Variants in DYNAP observed in about 807,000 individuals in gnomAD.
DYNAP encodes the protein dynactin-associated protein.
In DYNAP, 7 loss-of-function variants were observed where a neutral mutation model predicts 8.5. That is an observed-to-expected ratio of 0.82 (90% confidence interval 0.47 to 1.54). The LOEUF (loss-of-function observed/expected upper bound fraction) is 1.54. Ranked by LOEUF, DYNAP falls within the 40% of genes most tolerant of loss-of-function variation. The probability of loss-of-function intolerance (pLI) is 0.01; values close to 1 mark genes in which losing one functional copy is unlikely to be tolerated. For synonymous variants in DYNAP, 77 were observed against 77.9 expected (o/e 0.99, Z 0.06); for missense variants, 256 against 224.3 (o/e 1.14, Z -0.90).
At chr18:54,575,815 A>G in the DYNAP span, among the ~76,000 whole-genome samples, 1 of 152,060 alleles carries the variant, frequency 6.6e-6, no homozygotes, top group Admixed American at 6.6e-5. Context: ...GCACACACAC[A>G]CACGCACACA....
At position 54,598,039 on chromosome 18, in the gene DYNAP, C is replaced by A. The variant is rs1911383100; in HGVS notation, c.449C>A (p.Thr150Asn). The A allele has an allele frequency of 6.2e-7, 1 of 1,613,568 alleles. No homozygotes were observed. The highest frequency in any genetic ancestry group is 1.3e-5 in the African/African-American group (1 of 74,972). ...SPACPPTMTT[T>N]STVPASTATE... ...GCTTGTCCACCTACAATGACCACCA[C>A]TTCAACTGTACCTGCAAGTACAGCC... The change falls in exon 3 of 3, where the codon ACT becomes AAT. Residue 150 changes from threonine to asparagine, a missense_variant. Transcript: ENST00000648945.
Position 54,598,007 on chromosome 18 carries a change from C to G in DYNAP, c.417C>G (p.Pro139=). Residue 139 remains proline (P), a synonymous_variant, in exon 3 of 3, where the codon CCC becomes CCG. Transcript: ENST00000648945. ...GECVTVKPGT[P]SPACPPTMTT... ...GTGTGACTGTCAAACCTGGAACACC[C>G]TCTCCTGCTTGTCCACCTACAATGA... 3 of 1,613,532 alleles carry G rather than the reference C, an allele frequency of 1.9e-6. No homozygotes were observed. The highest frequency in any genetic ancestry group is 2.5e-6 in the Non-Finnish European group (3 of 1,179,778).
intron 2 of DYNAP, among the ~76,000 whole-genome samples, chr18:54,597,414 T>C (rs1911341797): frequency 6.6e-6 from 1 of 152,060 alleles, no homozygotes; most frequent in Admixed American, 6.6e-5. Flanking sequence ...TGTAGGTTCA[T>C]TAATTGTAAC....
At chr18:54,586,705 G>A (rs1458260204), upstream of DYNAP, among the ~76,000 whole-genome samples, 1 of 152,138 alleles carries the variant, frequency 6.6e-6, no homozygotes, top group African/African-American at 2.4e-5. Flanking sequence ...TATCTTGAGA[G>A]CCACACACTC....
upstream of DYNAP, among the ~76,000 whole-genome samples, chr18:54,588,983 A>G (rs1419846500): frequency 3.3e-5 from 5 of 152,162 alleles, no homozygotes; most frequent in Non-Finnish European, 5.9e-5. Flanking sequence ...CTGAAAAAAG[A>G]TGAAATATAA....
the DYNAP span, among the ~76,000 whole-genome samples, chr18:54,582,147 G>A: frequency 9.2e-5 from 14 of 152,206 alleles, no homozygotes; most frequent in East Asian, 1.4e-3. Flanking sequence ...TTAGCCAAGC[G>A]TGGTGGCAGG....
chr18:54,597,174 A>G (rs527832145), intron 2 of DYNAP, among the ~76,000 whole-genome samples: 1 of 152,208 alleles, frequency 6.6e-6, no homozygotes, highest in East Asian at 1.9e-4. Flanking sequence ...GACTTTATCA[A>G]TGTTATTTTT....
upstream of DYNAP, among the ~76,000 whole-genome samples, chr18:54,589,380 C>CTA (rs1910986815): frequency 6.6e-6 from 1 of 152,058 alleles, no homozygotes; most frequent in African/African-American, 2.4e-5. Context: ...GTCTGTCATG[C>CTA]TAACAATCCA....
At position 54,594,954 on chromosome 18, in the gene DYNAP, A is replaced by G. The variant is rs1397705977; in HGVS notation, c.73A>G (p.Asn25Asp). The change falls in exon 2 of 3, where the codon AAT (asparagine) becomes GAT (aspartate). Residue 25 changes from asparagine to aspartate, a missense_variant. Transcript: ENST00000648945. Reference sequence around the variant, plus strand: ...GCCTTTGTAGCCAATCACACATCCAAATGACCAAGAGGCTCACAGTTCCAT... The same window carrying G: ...GCCTTTGTAGCCAATCACACATCCAGATGACCAAGAGGCTCACAGTTCCAT... Reference protein sequence around the residue: ...SENQPPITHPNDQEAHSSICW... With the variant: ...SENQPPITHPDDQEAHSSICW... The G allele has an allele frequency of 3.7e-6, 6 of 1,610,658 alleles. No homozygotes were observed. In the African/African-American group the frequency reaches 4.0e-5, roughly 11 times the overall value.
chr18:54,596,655 A>C (rs996342072), intron 2 of DYNAP, among the ~76,000 whole-genome samples: 5 of 152,158 alleles, frequency 3.3e-5, no homozygotes, highest in African/African-American at 1.2e-4. Flanking sequence ...AGAAGGGGCC[A>C]AAGCAGGAGG....
At position 54,599,163 on chromosome 18, in the gene DYNAP, G is replaced by A. The variant is rs922777270; in HGVS notation, c.*1018G>A. Reference sequence around the variant, plus strand: ...TAGCCACTTTGGACACATGTTCTCAGGACCTCCTGAGGGCTATGTCATGAG... The same window carrying A: ...TAGCCACTTTGGACACATGTTCTCAAGACCTCCTGAGGGCTATGTCATGAG... On this transcript the variant is annotated 3_prime_UTR_variant, in exon 3 of 3. Transcript: ENST00000648945. 1 of 152,048 alleles carries A rather than the reference G, an allele frequency of 6.6e-6. No homozygotes were observed. The highest frequency in any genetic ancestry group is 2.4e-5 in the African/African-American group (1 of 41,402). 9.4% of individuals were successfully genotyped at this position (152,048 alleles called of 1,614,324 possible).
the DYNAP span, among the ~76,000 whole-genome samples, chr18:54,581,448 T>C: frequency 3.3e-5 from 5 of 152,238 alleles, no homozygotes; most frequent in Non-Finnish European, 1.5e-5. Flanking sequence ...CCTACTGTAC[T>C]ATAACCAGCA....
chr18:54,596,247 AT>A (rs924518479), intron 2 of DYNAP, among the ~76,000 whole-genome samples: 1 of 150,952 alleles, frequency 6.6e-6, no homozygotes, highest in Non-Finnish European at 1.5e-5. Flanking sequence ...TAATTTTTTA[AT>A]TTTTTGTAGA....
intron 2 of DYNAP, among the ~76,000 whole-genome samples, chr18:54,596,088 T>C (rs1911276535): frequency 6.6e-6 from 1 of 152,010 alleles, no homozygotes; most frequent in Non-Finnish European, 1.5e-5. Context: ...TTTTGTTTTT[T>C]TGAGGCAGGT....
At chr18:54,581,637 G>GA in the DYNAP span, among the ~76,000 whole-genome samples, 2 of 151,816 alleles carry the variant, frequency 1.3e-5, no homozygotes, top group Non-Finnish European at 2.9e-5. Flanking sequence ...ATCATGAAAA[G>GA]AAAAAATCAA....
At chr18:54,592,840 A>C (rs936156409) in intron 1 of DYNAP, among the ~76,000 whole-genome samples, 38 of 152,076 alleles carry the variant, frequency 2.5e-4, no homozygotes, top group African/African-American at 8.7e-4. Flanking sequence ...CCCACCCATC[A>C]CCTTCCTCTC....
At chr18:54,590,269 C>T (rs1911018409), upstream of DYNAP, among the ~76,000 whole-genome samples, 1 of 152,040 alleles carries the variant, frequency 6.6e-6, no homozygotes, top group African/African-American at 2.4e-5. Flanking sequence ...CAGTATTTGT[C>T]TTTTTTGTGA....
At chr18:54,595,387 G>T (rs1276162546) in intron 2 of DYNAP, among the ~76,000 whole-genome samples, 1 of 152,098 alleles carries the variant, frequency 6.6e-6, no homozygotes, top group Non-Finnish European at 1.5e-5. Context: ...TAAGTGTAAG[G>T]TGCAAATGCA....
upstream of DYNAP, chr18:54,587,844 A>G (rs377424883): frequency 6.5e-5 from 26 of 400,806 alleles, no homozygotes; most frequent in African/African-American, 4.9e-4. Flanking sequence ...AAAGTCACCC[A>G]AAAATGGAAT....
Sources: gnomAD v4.1 joint callset for allele counts (sites outside exome capture counted in the v4.1 genomes callset) on GRCh38, gnomAD v4.1.1 for gene constraint, MANE v1.5 for transcripts, NCBI Gene and HGNC (gene_info 2026-07-23, HGNC 2026-07-21) for gene names.